The following ZMIZ1 variants were observed in gnomAD, a reference collection of about 807,000 sequenced individuals.
The protein encoded by ZMIZ1 is zinc finger MIZ-type containing 1.
In ZMIZ1, 17 loss-of-function variants were observed where a neutral mutation model predicts 113.9. The ratio of observed to expected loss-of-function variants is 0.15; its 90% confidence interval spans 0.10 to 0.22. The LOEUF is 0.22. Ranked by LOEUF, ZMIZ1 falls within the 10% of genes least tolerant of loss-of-function variation. The pLI is 1.00. For missense variants in ZMIZ1, 1,059 were observed against 1,477.8 expected (o/e 0.72, Z 4.65); for synonymous variants, 607 against 603.1 (o/e 1.01, Z -0.09).
chr10:79,311,322 TG>T (rs1357491496), intron 24 of ZMIZ1, 138 bp downstream of exon 24: 2 of 1,083,070 alleles, frequency 1.8e-6, no homozygotes, highest in African/African-American at 3.3e-5. Context: ...CACCCAGACC[TG>T]GCTCCAGACC....
chr10:79,278,427 T>C (rs1852443776), intron 8 of ZMIZ1, among the ~76,000 whole-genome samples: 1 of 151,140 alleles, frequency 6.6e-6, no homozygotes, highest in African/African-American at 2.4e-5. Flanking sequence ...ATTATTATTT[T>C]AATTCTTTTT....
rs967785873 is a variant in ZMIZ1, at chr10:79,273,101, A to G, written c.281-4080A>G. On this transcript the variant is annotated intron_variant, in intron 7 of 24. Coordinates refer to ENST00000334512, the MANE Select transcript of ZMIZ1 (RefSeq NM_020338.4). ...GGGAGAGGGGATTTGTTTAGGGGTC[A>G]GAAGCAGTGCATTTGCAGGTGGTTG... 4.6e-5 allele frequency among the ~76,000 whole-genome samples: 7 copies of G among 152,326 alleles called. No homozygotes were observed. The East Asian group carries it at 1.2e-3, about 25-fold the overall frequency.
intron 1 of ZMIZ1, among the ~76,000 whole-genome samples, chr10:79,073,458 C>T (rs1842363363): frequency 6.6e-6 from 1 of 152,230 alleles, no homozygotes; most frequent in Non-Finnish European, 1.5e-5. Flanking sequence ...TACTCATTAC[C>T]TCCTGGAAGC....
intron 8 of ZMIZ1, among the ~76,000 whole-genome samples, chr10:79,278,184 C>T (rs1192302958): frequency 6.6e-6 from 1 of 152,168 alleles, no homozygotes; most frequent in Non-Finnish European, 1.5e-5. Context: ...TGGAAAGGAC[C>T]TTAGTGCTCA....
chr10:79,176,248 C>A (rs1337466643), intron 4 of ZMIZ1, among the ~76,000 whole-genome samples: 1 of 152,080 alleles, frequency 6.6e-6, no homozygotes, highest in Non-Finnish European at 1.5e-5. Flanking sequence ...CCAAACCCAC[C>A]GTGTGAGTGG....
chr10:79,301,171 C>G (rs1315857366), intron 17 of ZMIZ1, among the ~76,000 whole-genome samples: 2 of 152,180 alleles, frequency 1.3e-5, no homozygotes, highest in Non-Finnish European at 2.9e-5. Context: ...TCAGACGTGG[C>G]CTCTTCCCCT....
At chr10:79,136,664 C>A (rs954786493) in intron 2 of ZMIZ1, among the ~76,000 whole-genome samples, 12 of 152,208 alleles carry the variant, frequency 7.9e-5, no homozygotes, top group African/African-American at 2.7e-4. Flanking sequence ...GGTTTCTTAA[C>A]CTTCTGTTTC....
At chr10:79,276,680 C>T (rs1260727102) in intron 7 of ZMIZ1, among the ~76,000 whole-genome samples, 1 of 152,156 alleles carries the variant, frequency 6.6e-6, no homozygotes, top group East Asian at 1.9e-4. Context: ...CAGCAGATTC[C>T]AAGATTTTGT....
At chr10:79,107,468 G>A (rs1420994526) in intron 1 of ZMIZ1, among the ~76,000 whole-genome samples, 3 of 152,204 alleles carry the variant, frequency 2.0e-5, no homozygotes, top group African/African-American at 4.8e-5. Context: ...TGTGGGGCCC[G>A]CCAGTGGTGT....
At chr10:79,297,580 C>T (rs751848812) in intron 13 of ZMIZ1, 33 bp from the exon 14 acceptor site, 2 of 1,595,072 alleles carry the variant, frequency 1.3e-6, no homozygotes, top group East Asian at 4.5e-5. Flanking sequence ...CTTTTCTGCC[C>T]CCCACTCAGT....
chr10:79,197,177 C>T (rs1847866613), intron 4 of ZMIZ1, among the ~76,000 whole-genome samples: 1 of 152,240 alleles, frequency 6.6e-6, no homozygotes, highest in South Asian at 2.1e-4. Flanking sequence ...CTGAGCCAAC[C>T]CAGGCCTTTG....
intron 12 of ZMIZ1, chr10:79,294,948 G>A (rs377262498): frequency 4.1e-5 from 6 of 145,880 alleles, no homozygotes; most frequent in East Asian, 2.3e-4. Flanking sequence ...AGAGAGGGGG[G>A]GGGGTCAGGG....
intron 1 of ZMIZ1, among the ~76,000 whole-genome samples, chr10:79,074,642 T>C (rs1842409707): frequency 6.6e-6 from 1 of 152,188 alleles, no homozygotes; most frequent in African/African-American, 2.4e-5. Context: ...GTTTCTGTAG[T>C]CCCTCTTCGG....
chr10:79,138,348 C>CCA (rs1327170580), intron 2 of ZMIZ1, among the ~76,000 whole-genome samples: 2 of 152,216 alleles, frequency 1.3e-5, no homozygotes, highest in African/African-American at 4.8e-5. Context: ...CTCTGTGGAC[C>CCA]CACTCCAGCC....
chr10:79,274,122 G>C (rs1852116449), intron 7 of ZMIZ1, among the ~76,000 whole-genome samples: 2 of 152,150 alleles, frequency 1.3e-5, no homozygotes, highest in South Asian at 4.1e-4. Flanking sequence ...GGCTGGCCAT[G>C]TTGGTTGCTT....
At chr10:79,298,924 TG>T in intron 15 of ZMIZ1, 125 bp from the exon 16 acceptor site, 1 of 1,282,272 alleles carries the variant, frequency 7.8e-7, no homozygotes, top group Non-Finnish European at 1.0e-6. Context: ...GCTATGTCTC[TG>T]GCCCTGTTTA....
At chr10:79,181,019 A>G (rs766326527) in intron 4 of ZMIZ1, among the ~76,000 whole-genome samples, 2 of 152,202 alleles carry the variant, frequency 1.3e-5, no homozygotes, top group Admixed American at 6.5e-5. Context: ...GAAGTGACTC[A>G]TCCAAGGCCA....
chr10:79,312,731 T>C lies in ZMIZ1; in HGVS notation c.3186T>C (p.Ser1062=), dbSNP rs749136857. 6.2e-7 allele frequency: 1 copy of C among 1,614,146 alleles called. No homozygotes were observed. The highest frequency in any genetic ancestry group is 8.5e-7 in the Non-Finnish European group (1 of 1,180,002). Residue 1062 remains serine, a synonymous_variant, in exon 25 of 25, where the codon TCT becomes TCC. Transcript: ENST00000334512. ...GCAATAGTAACGATGACCTCCTGTC[T>C]CTATTTGAGAACAACTGAGGGCCAC... ...LPSNSNDDLL[S]LFENN
intron 14 of ZMIZ1, 63 bp from the exon 15 acceptor site, chr10:79,298,343 T>C (rs1854048331): frequency 1.3e-5 from 20 of 1,547,078 alleles, no homozygotes; most frequent in Admixed American, 5.9e-5. Flanking sequence ...TGTATGTCCA[T>C]AGCCATGGCC....
Sources: gnomAD v4.1 joint callset for allele counts (sites outside exome capture counted in the v4.1 genomes callset) on GRCh38, gnomAD v4.1.1 for gene constraint, MANE v1.5 for transcripts, NCBI Gene and HGNC (gene_info 2026-07-23, HGNC 2026-07-21) for gene names.